CNTN3: variants seen among roughly 807,000 people sequenced by gnomAD.
The protein encoded by CNTN3 is contactin 3, also known as contactin-3.
CNTN3 carries 60 observed loss-of-function variants against 119.1 expected under a neutral mutation model. The observed-to-expected ratio is 0.50, with a 90% confidence interval of 0.41 to 0.62. The LOEUF is 0.62. CNTN3 is among the 20% of genes least tolerant of loss of function. The pLI, the probability that CNTN3 is intolerant of heterozygous loss-of-function variation, is 0.00. For missense variants in CNTN3, 1,101 were observed against 1,242.4 expected (o/e 0.89, Z 1.71); for synonymous variants, 450 against 438.7 (o/e 1.03, Z -0.32).
chr3:74,303,082 T>G lies in CNTN3; in HGVS notation c.1669-275A>C, dbSNP rs193040414. 4.0e-3 allele frequency among the ~76,000 whole-genome samples: 606 copies of G among 152,332 alleles called. 7 individuals are homozygous for G. The highest frequency in any genetic ancestry group is 0.014 in the African/African-American group (566 of 41,568). On this transcript the variant is annotated intron_variant, in intron 13 of 22. Coordinates refer to ENST00000263665, the MANE Select transcript of CNTN3 (RefSeq NM_020872.3). ...TTCAAAAATAAATAAGGGCAGAGAT[T>G]ACAGTCTCAGAGTCTATTTACTTGC...
chr3:74,506,737 G>GA (rs35051185), intron 2 of CNTN3, among the ~76,000 whole-genome samples: 1,423 of 13,766 alleles, frequency 0.1, 21 homozygotes, highest in African/African-American at 0.13. Context: ...CCATTTATCT[G>GA]AAAAAAAAAA....
intron 11 of CNTN3, among the ~76,000 whole-genome samples, chr3:74,338,517 T>C (rs1192194062): frequency 6.6e-6 from 1 of 151,926 alleles, no homozygotes. Context: ...TATACACATA[T>C]GTGTGTATAT....
intron 2 of CNTN3, among the ~76,000 whole-genome samples, chr3:74,507,384 C>T (rs1415461812): frequency 1.3e-5 from 2 of 149,654 alleles, no homozygotes; most frequent in African/African-American, 4.9e-5. Flanking sequence ...CACCACTGCA[C>T]TCCAGCCTGG....
intron 2 of CNTN3, among the ~76,000 whole-genome samples, chr3:74,513,951 A>G (rs1047891537): frequency 2.0e-5 from 3 of 151,980 alleles, no homozygotes; most frequent in Non-Finnish European, 4.4e-5. Context: ...AGCTAGGGGT[A>G]CAGAATTTTT....
At chr3:74,562,282 C>T (rs1020470470) in intron 1 of CNTN3, among the ~76,000 whole-genome samples, 2 of 152,160 alleles carry the variant, frequency 1.3e-5, no homozygotes, top group African/African-American at 4.8e-5. Flanking sequence ...GAATTAGGAC[C>T]TGCTTTCATT....
chr3:74,457,076 C>G (rs1159369053), intron 4 of CNTN3, among the ~76,000 whole-genome samples: 1 of 151,804 alleles, frequency 6.6e-6, no homozygotes, highest in Non-Finnish European at 1.5e-5. Flanking sequence ...TTATAAAGTT[C>G]TATGAAAAAA....
intron 2 of CNTN3, among the ~76,000 whole-genome samples, chr3:74,502,963 AGAAT>A (rs1283512934): frequency 6.6e-6 from 1 of 152,214 alleles, no homozygotes; most frequent in East Asian, 1.9e-4. Context: ...ATCTGTCTGT[AGAAT>A]GAATAAGATG....
chr3:74,262,886 T>C lies in CNTN3; in HGVS notation c.*1515A>G, dbSNP rs989515912. The C allele has an allele frequency of 6.6e-6, 1 of 152,148 alleles. No individual in the cohort carries two copies. The highest frequency in any genetic ancestry group is 1.5e-5 in the Non-Finnish European group (1 of 67,996). The allele number at this position is 152,148 out of a possible 1,614,324, so 9.4% of individuals were successfully genotyped here. On this transcript the variant is annotated 3_prime_UTR_variant, in exon 23 of 23. Transcript: ENST00000263665. ...TAGTCATTCAGATTGTTTCAATATA[T>C]ACAGTATATGCGGACCTTATAGAGA...
intron 20 of CNTN3, among the ~76,000 whole-genome samples, chr3:74,281,661 T>A (rs1224538206): frequency 6.6e-6 from 1 of 152,116 alleles, no homozygotes; most frequent in African/African-American, 2.4e-5. Context: ...AGTGGTAAAT[T>A]CTTGATAAAT....
intron 2 of CNTN3, among the ~76,000 whole-genome samples, chr3:74,518,255 T>A (rs1229310965): frequency 1.3e-5 from 2 of 151,946 alleles, no homozygotes; most frequent in African/African-American, 4.8e-5. Context: ...AGTGTCTGCA[T>A]CTTTTACTGA....
chr3:74,596,406 T>C lies in CNTN3; in HGVS notation c.-81+17985A>G, dbSNP rs1704810705. On this transcript the variant is annotated intron_variant, in intron 1 of 22. Transcript: ENST00000263665. ...CAATCCTAAGCTGGAAGAACAAAGC[T>C]GGAGGCCTCACGCTACCTGACTTCA... Among the ~76,000 whole-genome samples, 4 of 152,270 alleles carry C rather than the reference T, an allele frequency of 2.6e-5. No homozygotes were observed. The South Asian group carries it at 6.2e-4, about 24-fold the overall frequency.
At chr3:74,531,360 T>C (rs1703690648) in intron 1 of CNTN3, among the ~76,000 whole-genome samples, 1 of 151,842 alleles carries the variant, frequency 6.6e-6, no homozygotes. Flanking sequence ...AAAGCTGACT[T>C]AGGGTTACAT....
At chr3:74,444,075 A>C (rs917450164) in intron 4 of CNTN3, among the ~76,000 whole-genome samples, 1 of 152,004 alleles carries the variant, frequency 6.6e-6, no homozygotes, top group Admixed American at 6.6e-5. Flanking sequence ...GCATCACTAT[A>C]ATCTCCGCCT....
intron 1 of CNTN3, among the ~76,000 whole-genome samples, chr3:74,559,423 C>T (rs1704119334): frequency 6.6e-6 from 1 of 152,124 alleles, no homozygotes; most frequent in Admixed American, 6.5e-5. Flanking sequence ...GCCCGCTCCC[C>T]AGCAGCTCAG....
In CNTN3 at chr3:74,503,002, C is replaced by T. The variant is rs114230831; in HGVS notation, c.56-3217G>A. ...GAATGAAACAATCCTCATAATAACT[C>T]TATATGAGGCAGATACTATTTTACA... On this transcript the variant is annotated intron_variant, in intron 2 of 22. Transcript: ENST00000263665. 7.6e-3 allele frequency among the ~76,000 whole-genome samples: 1,151 copies of T among 152,202 alleles called. 14 individuals are homozygous for T. The highest frequency in any genetic ancestry group is 0.061 in the East Asian group (313 of 5,172).
rs567070807 is a variant in CNTN3 at position 74,459,886 on chromosome 3, T to C, written c.358+26570A>G. Among the ~76,000 whole-genome samples, 59 of 152,192 alleles carry C rather than the reference T, an allele frequency of 3.9e-4. No homozygotes were observed. The Middle Eastern group carries it at 0.01, about 26-fold the overall frequency. ...AGCTTGTTATTTTACTGTAAATACT[T>C]CAGAATTATTTATAACATCTGTAAC... On this transcript the variant is annotated intron_variant, in intron 4 of 22. Transcript: ENST00000263665.
intron 2 of CNTN3, among the ~76,000 whole-genome samples, chr3:74,505,539 A>G (rs6549613): frequency 1 from 151,656 of 151,670 alleles, 75,821 homozygotes; most frequent in Middle Eastern, 1. Flanking sequence ...CATACACACA[A>G]TATGTTACAG....
At chr3:74,285,797 A>G (rs1230714247) in intron 19 of CNTN3, among the ~76,000 whole-genome samples, 2 of 56,114 alleles carry the variant, frequency 3.6e-5, no homozygotes, top group Non-Finnish European at 6.3e-5. Context: ...GGAGATATAT[A>G]TATATATATA....
chr3:74,328,945 C>G (rs558774226), intron 13 of CNTN3, among the ~76,000 whole-genome samples: 2 of 152,190 alleles, frequency 1.3e-5, no homozygotes, highest in Non-Finnish European at 2.9e-5. Flanking sequence ...GGACAAGATA[C>G]AAAATGTATA....
Sources: allele counts gnomAD v4.1 joint callset (sites outside exome capture counted in the v4.1 genomes callset), GRCh38; gene constraint gnomAD v4.1.1; transcripts MANE v1.5; gene names NCBI Gene and HGNC (gene_info 2026-07-23, HGNC 2026-07-21).